GLIS3: variants seen among roughly 807,000 people sequenced by gnomAD.
GLIS3 encodes zinc finger protein GLIS3.
Under a neutral mutation model 78.6 loss-of-function variants are expected in GLIS3, and 53 were observed. That is an observed-to-expected ratio of 0.67 (90% CI 0.54 to 0.85). GLIS3 has a LOEUF of 0.85. Ranked by LOEUF, GLIS3 falls within the 40% of genes least tolerant of loss-of-function variation. The pLI, the probability that GLIS3 is intolerant of heterozygous loss-of-function variation, is 0.00. For synonymous variants in GLIS3, 684 were observed against 509.9 expected, an observed-to-expected ratio of 1.34 and a Z score of -4.60; for missense variants, 1,703 against 1,231.1, an observed-to-expected ratio of 1.38 and a Z score of -5.74.
the GLIS3 span, among the ~76,000 whole-genome samples, chr9:4,440,736 G>A: frequency 3.3e-5 from 5 of 152,076 alleles, no homozygotes; most frequent in African/African-American, 1.2e-4. Context: ...TGATTTTGTA[G>A]ATCACTTCAG....
At chr9:4,173,805 T>C (rs1816587469) in intron 2 of GLIS3, among the ~76,000 whole-genome samples, 1 of 152,020 alleles carries the variant, frequency 6.6e-6, no homozygotes, top group African/African-American at 2.4e-5. Context: ...AAGTTCTGTA[T>C]CTAAAATTTA....
chr9:3,863,085 A>T (rs1454383378), intron 8 of GLIS3, among the ~76,000 whole-genome samples: 2 of 152,226 alleles, frequency 1.3e-5, no homozygotes, highest in Non-Finnish European at 2.9e-5. Context: ...AGGATTTCAC[A>T]TCTGATTTAA....
intron 6 of GLIS3, among the ~76,000 whole-genome samples, chr9:3,930,386 T>C (rs911497161): frequency 6.6e-6 from 1 of 152,224 alleles, no homozygotes; most frequent in Non-Finnish European, 1.5e-5. Context: ...TCCTTGAAAG[T>C]ATACTCTTCT....
chr9:3,917,386 T>C (rs935044603), intron 6 of GLIS3, among the ~76,000 whole-genome samples: 1 of 152,204 alleles, frequency 6.6e-6, no homozygotes, highest in African/African-American at 2.4e-5. Context: ...CATTGACAAG[T>C]GAGCAAACAC....
chr9:4,396,900 C>A, the GLIS3 span, among the ~76,000 whole-genome samples: 1 of 152,058 alleles, frequency 6.6e-6, no homozygotes, highest in Non-Finnish European at 1.5e-5. Flanking sequence ...GAGTTTTGCT[C>A]CTTCGCCTCG....
chr9:4,482,362 A>T, the GLIS3 span, among the ~76,000 whole-genome samples: 747 of 152,336 alleles, frequency 4.9e-3, 8 homozygotes, highest in African/African-American at 0.014. Flanking sequence ...TTAATGAGTT[A>T]CAGTTCTTTT....
chr9:4,045,651 T>C (rs1825189160), intron 4 of GLIS3, among the ~76,000 whole-genome samples: 1 of 152,092 alleles, frequency 6.6e-6, no homozygotes, highest in Non-Finnish European at 1.5e-5. Context: ...TTTTCTTTTG[T>C]ACATGCAATG....
the GLIS3 span, among the ~76,000 whole-genome samples, chr9:4,365,994 A>G: frequency 2.4e-4 from 36 of 152,298 alleles, no homozygotes; most frequent in South Asian, 5.4e-3. Flanking sequence ...GTGTCATTGA[A>G]AAGTGTAGGA....
chr9:4,206,231 A>G (rs1367737678), intron 2 of GLIS3, among the ~76,000 whole-genome samples: 2 of 152,250 alleles, frequency 1.3e-5, no homozygotes, highest in African/African-American at 2.4e-5. Context: ...ATTAGCTTCT[A>G]TATATTTATT....
chr9:4,241,060 A>G (rs1381103101), intron 2 of GLIS3, among the ~76,000 whole-genome samples: 1 of 152,164 alleles, frequency 6.6e-6, no homozygotes, highest in African/African-American at 2.4e-5. Flanking sequence ...ACTGATTGCA[A>G]ATAAACATCT....
the GLIS3 span, among the ~76,000 whole-genome samples, chr9:4,412,005 T>A: frequency 1.3e-5 from 2 of 152,194 alleles, no homozygotes; most frequent in Non-Finnish European, 2.9e-5. Context: ...CAGCACACAA[T>A]CTTAACATGG....
chr9:4,419,469 G>A, the GLIS3 span, among the ~76,000 whole-genome samples: 1 of 152,110 alleles, frequency 6.6e-6, no homozygotes, highest in African/African-American at 2.4e-5. Flanking sequence ...GCAAGAGAGA[G>A]GGAAGGGAGG....
chr9:3,972,843 C>T (rs1394900551), intron 4 of GLIS3, among the ~76,000 whole-genome samples: 7 of 152,160 alleles, frequency 4.6e-5, no homozygotes, highest in Admixed American at 4.6e-4. Context: ...ATATGTTGAT[C>T]TTTGCATTGT....
At chr9:4,132,307 A>C (rs1833038163) in intron 2 of GLIS3, among the ~76,000 whole-genome samples, 1 of 152,218 alleles carries the variant, frequency 6.6e-6, no homozygotes. Context: ...AGGGAATGCA[A>C]ACGTTTTGCA....
chr9:4,261,040 T>C (rs1825480571), intron 2 of GLIS3, among the ~76,000 whole-genome samples: 1 of 152,228 alleles, frequency 6.6e-6, no homozygotes. Context: ...AAAGACAATG[T>C]AGTACTAGAA....
upstream of GLIS3, among the ~76,000 whole-genome samples, chr9:4,304,363 A>G (rs1324242268): frequency 2.0e-5 from 3 of 152,174 alleles, no homozygotes; most frequent in Admixed American, 2.0e-4. Flanking sequence ...TAGGCTTTTT[A>G]TTATAAACTG....
rs1487631762 is a variant in GLIS3 at position 4,118,356 on chromosome 9, C to A, written c.1122G>T (p.Val374=). ...CCGGCAGCGCCAGGCCTCCAGGGGC[C>A]ACCAGCACGCCCTTCTGGCTGCCGG... The part of the protein sequence containing the change: ...PVPGSQKGVL[V]APGGLALPAY... Residue 374 remains valine, a synonymous_variant, in exon 4 of 11, where the codon GTG becomes GTT. Transcript: ENST00000381971. The surrounding 1 kb of genome is among the most constrained non-coding windows in gnomAD (Gnocchi z 4.7). The A allele has an allele frequency of 1.3e-5, 20 of 1,585,418 alleles. No homozygotes were observed. The highest frequency in any genetic ancestry group is 1.5e-5 in the Non-Finnish European group (17 of 1,169,626).
intron 6 of GLIS3, among the ~76,000 whole-genome samples, chr9:3,920,006 T>C (rs949539556): frequency 1.4e-5 from 2 of 147,776 alleles, no homozygotes; most frequent in Non-Finnish European, 3.0e-5. Flanking sequence ...TACAGTTTTT[T>C]TTTTTTTTTT....
chr9:4,012,634 C>T (rs1822110557), intron 4 of GLIS3, among the ~76,000 whole-genome samples: 1 of 152,074 alleles, frequency 6.6e-6, no homozygotes, highest in Non-Finnish European at 1.5e-5. Context: ...GTGAAAACCA[C>T]TATGTTCTTT....
Sources: allele counts gnomAD v4.1 joint callset (sites outside exome capture counted in the v4.1 genomes callset), GRCh38; gene constraint gnomAD v4.1.1; non-coding constraint Gnocchi (gnomAD v3.1); transcripts MANE v1.5; gene names NCBI Gene and HGNC (gene_info 2026-07-23, HGNC 2026-07-21).